The following COL5A1 variants were observed in gnomAD, a reference collection of about 807,000 sequenced individuals.
COL5A1 encodes the protein collagen type V alpha 1 chain.
A neutral mutation model predicts 263.7 loss-of-function variants in COL5A1; 16 were observed. That is an observed-to-expected ratio of 0.06 (90% CI 0.04 to 0.09). The LOEUF (loss-of-function observed/expected upper bound fraction) is 0.09. COL5A1 is among the 10% of genes least tolerant of loss of function. The pLI is 1.00. For synonymous variants in COL5A1, 1,012 were observed against 1,004.5 expected (o/e 1.01, Z -0.14); for missense variants, 2,036 against 2,540.5 (o/e 0.80, Z 4.27).
Position 134,712,012 on chromosome 9 carries a change from T to TCCCCCTCCTTCCTTC in COL5A1, c.654+10686_654+10700dup, listed in dbSNP as rs1554784000. ...CCCCACTCCTTCCCCCTCCTTCCTG[T>TCCCCCTCCTTCCTTC]CCCCCTCCTTCCTTCCCCCCTTCTT... is the stretch of plus-strand genomic sequence containing the variant. On this transcript the variant is annotated intron_variant, in intron 4 of 65. Transcript: ENST00000371817. Among the ~76,000 whole-genome samples, 450 of 75,234 alleles carry TCCCCCTCCTTCCTTC rather than the reference T, an allele frequency of 6.0e-3. 5 individuals carry two copies. Among genetic ancestry groups the TCCCCCTCCTTCCTTC allele is most frequent in the African/African-American group, 0.023 (413 of 18,194 alleles). 49.4% of individuals were successfully genotyped at this position (75,234 alleles called of 152,430 possible). A position where few individuals can be genotyped will look rare whatever the true frequency, so the allele number is the denominator to read the frequency against.
chr9:134,776,723 T>C (rs1837067025), intron 27 of COL5A1, among the ~76,000 whole-genome samples: 1 of 152,186 alleles, frequency 6.6e-6, no homozygotes, highest in Admixed American at 6.5e-5. Context: ...CCAGTGGGGC[T>C]GCTATAACCA....
intron 2 of COL5A1, among the ~76,000 whole-genome samples, chr9:134,695,497 G>A (rs1430725328): frequency 2.0e-5 from 3 of 152,224 alleles, no homozygotes; most frequent in African/African-American, 7.2e-5. Flanking sequence ...TGCAGGGGCA[G>A]GCTGACGTGA....
chr9:134,672,966 CTT>C (rs1197338077), intron 1 of COL5A1, among the ~76,000 whole-genome samples: 1 of 152,130 alleles, frequency 6.6e-6, no homozygotes, highest in Non-Finnish European at 1.5e-5. Context: ...ATATGCATGA[CTT>C]ATTCACTGAT....
At chr9:134,705,287 A>G (rs987680714) in intron 4 of COL5A1, among the ~76,000 whole-genome samples, 6 of 150,130 alleles carry the variant, frequency 4.0e-5, no homozygotes, top group African/African-American at 1.5e-4. Flanking sequence ...GCCAGGGCTA[A>G]CGGCTGGTGC....
intron 19 of COL5A1, among the ~76,000 whole-genome samples, 170 bp downstream of exon 19, chr9:134,762,148 G>A (rs1032597011): frequency 6.6e-6 from 1 of 152,230 alleles, no homozygotes; most frequent in Non-Finnish European, 1.5e-5. Flanking sequence ...TTGATCAGAT[G>A]CCAAGAGGCT....
chr9:134,697,002 C>T (rs1432939984), intron 2 of COL5A1, among the ~76,000 whole-genome samples: 6 of 151,706 alleles, frequency 4.0e-5, no homozygotes, highest in African/African-American at 7.3e-5. Context: ...ACCCGGGAGG[C>T]GGAGCTTGCA....
chr9:134,754,740 G>A lies in COL5A1; in HGVS notation c.1827+414G>A, dbSNP rs1835911933. Among the ~76,000 whole-genome samples, 1 of 152,126 alleles carries A rather than the reference G, an allele frequency of 6.6e-6. No individual in the cohort carries two copies. Among genetic ancestry groups the A allele is most frequent in the African/African-American group, 2.4e-5 (1 of 41,426 alleles). ...GCCTTACCTGCTGTCTTGCCTCCTG[G>A]AATTTTCTGTCTGGTGCATGGTTCT... On this transcript the variant is annotated intron_variant, in intron 16 of 65. Coordinates refer to ENST00000371817, the MANE Select transcript of COL5A1 (RefSeq NM_000093.5). This position sits in a 1 kb window ranked among gnomAD's most constrained non-coding sequence, Gnocchi z 4.3.
intron 1 of COL5A1, among the ~76,000 whole-genome samples, chr9:134,645,030 G>T (rs984482566): frequency 6.6e-6 from 1 of 152,118 alleles, no homozygotes; most frequent in Non-Finnish European, 1.5e-5. Flanking sequence ...GAAGCCCCAA[G>T]AATTCCCCAA....
At chr9:134,836,820 CG>C (rs1197152858) in intron 65 of COL5A1, among the ~76,000 whole-genome samples, 1 of 152,234 alleles carries the variant, frequency 6.6e-6, no homozygotes, top group African/African-American at 2.4e-5. Context: ...CCGTGCTCAG[CG>C]GGGGCCGCCC....
chr9:134,711,091 C>T (rs994520343), intron 4 of COL5A1, among the ~76,000 whole-genome samples: 5 of 152,134 alleles, frequency 3.3e-5, no homozygotes, highest in Non-Finnish European at 4.4e-5. Flanking sequence ...AGGGAGCTCC[C>T]ACAGCTGGTC....
chr9:134,810,212 G>T, intron 43 of COL5A1, 43 bp from the exon 44 acceptor site: 2 of 1,607,294 alleles, frequency 1.2e-6, no homozygotes, highest in Non-Finnish European at 8.5e-7. Flanking sequence ...AGGTCCAAAC[G>T]GTTGTCAAGC....
At chr9:134,679,337 A>C (rs1319612563) in intron 1 of COL5A1, among the ~76,000 whole-genome samples, 21 of 54,898 alleles carry the variant, frequency 3.8e-4, no homozygotes, top group South Asian at 1.7e-3. Flanking sequence ...TGCAGGGCTT[A>C]TTAGGGGGCA....
At chr9:134,786,546 G>A (rs189304349) in intron 31 of COL5A1, among the ~76,000 whole-genome samples, 5 of 152,302 alleles carry the variant, frequency 3.3e-5, no homozygotes, top group Admixed American at 2.6e-4. Context: ...CCCAGAATCC[G>A]TGGGATGGTC....
rs762755748 is a variant in COL5A1, at chr9:134,757,482, G to A, written c.1881+664G>A. ...AGCTGTGATTTGGAGATTGGAGACC[G>A]GGCACCAAAAAAATGCCAGGGCTCA... On this transcript the variant is annotated intron_variant, in intron 17 of 65. Transcript: ENST00000371817. The surrounding 1 kb of genome is among the most constrained non-coding windows in gnomAD (Gnocchi z 6.2). Among the ~76,000 whole-genome samples the A allele has an allele frequency of 9.9e-5, 15 of 152,072 alleles. No individual in the cohort carries two copies. The highest frequency in any genetic ancestry group is 1.8e-4 in the Non-Finnish European group (12 of 68,016).
chr9:134,825,585 T>A (rs1236140893), intron 62 of COL5A1, among the ~76,000 whole-genome samples: 1 of 152,150 alleles, frequency 6.6e-6, no homozygotes, highest in African/African-American at 2.4e-5. Flanking sequence ...AGCTGTGTTC[T>A]TGGTGAATGA....
At chr9:134,766,524 G>A (rs1328106027) in intron 22 of COL5A1, 26 bp downstream of exon 22, 5 of 1,612,528 alleles carry the variant, frequency 3.1e-6, no homozygotes, top group African/African-American at 2.7e-5. Context: ...CCCGTGGCCT[G>A]GCTTCAGGGG....
intron 4 of COL5A1, among the ~76,000 whole-genome samples, chr9:134,719,660 C>T (rs76015165): frequency 0.019 from 2,877 of 152,282 alleles, 93 homozygotes; most frequent in African/African-American, 0.065. Flanking sequence ...AGGGGCAGGG[C>T]GGCACATCAT....
intron 64 of COL5A1, 195 bp downstream of exon 64, chr9:134,830,239 G>A: frequency 4.7e-6 from 7 of 1,501,624 alleles, no homozygotes; most frequent in South Asian, 2.4e-5. Context: ...CTGGCTCGCG[G>A]CTCTGCATGG....
At position 134,768,642 on chromosome 9, in the gene COL5A1, C is replaced by T. The variant is rs1564447108; in HGVS notation, c.2286+179C>T. 2.0e-5 allele frequency among the ~76,000 whole-genome samples: 3 copies of T among 152,224 alleles called. No individual in the cohort carries two copies. The South Asian group carries it at 6.2e-4, about 31-fold the overall frequency. ...CTCGGTCATTCTTGGGTTCTGGACA[C>T]CCTTAACATCATGGATTTTAATCAA... On this transcript the variant is annotated intron_variant, in intron 25 of 65. Coordinates refer to ENST00000371817, the MANE Select transcript of COL5A1 (RefSeq NM_000093.5).
Sources: allele counts gnomAD v4.1 joint callset (sites outside exome capture counted in the v4.1 genomes callset), GRCh38; gene constraint gnomAD v4.1.1; non-coding constraint Gnocchi (gnomAD v3.1); transcripts MANE v1.5; gene names NCBI Gene and HGNC (gene_info 2026-07-23, HGNC 2026-07-21).